TMEM176B: variants seen among roughly 807,000 people sequenced by gnomAD.
The protein encoded by TMEM176B is LR8-like protein.
TMEM176B carries 28 observed loss-of-function variants against 30.3 expected under a neutral mutation model. The ratio of observed to expected loss-of-function variants is 0.92; its 90% CI spans 0.68 to 1.27. The LOEUF (loss-of-function observed/expected upper bound fraction) is 1.27. Among genes scored for constraint, TMEM176B ranks in the 50% most tolerant of loss-of-function variants. The pLI is 0.00. For missense variants in TMEM176B, 349 were observed against 327.4 expected, an observed-to-expected ratio of 1.07 and a Z score of -0.51; for synonymous variants, 123 against 130.3, an observed-to-expected ratio of 0.94 and a Z score of 0.38.
At chr7:150,797,342 G>A (rs1798569375) in intron 1 of TMEM176B, among the ~76,000 whole-genome samples, 1 of 152,198 alleles carries the variant, frequency 6.6e-6, no homozygotes, top group Non-Finnish European at 1.5e-5. Flanking sequence ...CATAAAAAGT[G>A]TCAACCTAAA....
intron 2 of TMEM176B, 123 bp downstream of exon 2, chr7:150,796,243 C>T (rs1316805478): frequency 7.0e-6 from 6 of 860,280 alleles, no homozygotes; most frequent in African/African-American, 1.7e-5. Context: ...TGTGTGTATG[C>T]CCCAAATTGC....
chr7:150,799,789 C>T (rs1798690417), intron 1 of TMEM176B, among the ~76,000 whole-genome samples: 1 of 152,226 alleles, frequency 6.6e-6, no homozygotes, highest in African/African-American at 2.4e-5. Context: ...ACCACCGCTT[C>T]CCCCGCCCCA....
rs1258833563 is a variant in TMEM176B, at chr7:150,793,999, G to C, written c.277C>G (p.Leu93Val). 3.1e-6 allele frequency: 5 copies of C among 1,613,618 alleles called. No individual in the cohort carries two copies. In the African/African-American group the frequency reaches 6.7e-5, roughly 22 times the overall value. The change falls in exon 3 of 7, where the codon CTG (leucine) becomes GTG (valine). Residue 93 changes from leucine (L) to valine (V), a missense_variant. Coordinates refer to ENST00000326442, the MANE Select transcript of TMEM176B (RefSeq NM_001101312.2). The stretch of plus-strand genomic sequence containing the variant: ...CAGAAGGCACAGCCTGAGGCACTCA[G>C]CACAGTCCAGGGCCCCAAGCTGAGA... ...VCLSLGPWTVLSASGCAFWAG... is the reference protein window; with the variant it reads ...VCLSLGPWTVVSASGCAFWAG...
intron 2 of TMEM176B, 142 bp downstream of exon 2, chr7:150,796,224 C>A: frequency 1.4e-6 from 1 of 701,092 alleles, no homozygotes; most frequent in South Asian, 1.9e-5. Flanking sequence ...TACTGGAGAC[C>A]ACCTGGTCTG....
intron 1 of TMEM176B, among the ~76,000 whole-genome samples, chr7:150,797,303 T>C (rs1481720019): frequency 6.6e-6 from 1 of 152,210 alleles, no homozygotes; most frequent in Non-Finnish European, 1.5e-5. Flanking sequence ...CACACGATCA[T>C]ATGTTTTTAG....
At position 150,793,183 on chromosome 7, in the gene TMEM176B, G is replaced by C; in HGVS notation, c.505C>G (p.Pro169Ala). The C allele has an allele frequency of 6.2e-7, 1 of 1,614,184 alleles. No individual in the cohort carries two copies. The highest frequency in any genetic ancestry group is 8.5e-7 in the Non-Finnish European group (1 of 1,180,038). ...CTGTACCCAGTGGTAGGGAAGACAG[G>C]GTCTGAGCGATCACACACAGTGTCG... ...YIDTVCDRSD[P>A]VFPTTGYRWM... The change falls in exon 5 of 7, where the codon CCT becomes GCT. Residue 169 changes from proline to alanine, a missense_variant. Transcript: ENST00000326442.
At chr7:150,792,749 G>A (rs1368075326) in intron 5 of TMEM176B, among the ~76,000 whole-genome samples, 2 of 152,226 alleles carry the variant, frequency 1.3e-5, no homozygotes, top group African/African-American at 4.8e-5. Context: ...ACAGCACCGT[G>A]AGAAATAATA....
chr7:150,791,732 G>T (rs1798316566), intron 6 of TMEM176B, 109 bp from the exon 7 acceptor site: 2 of 1,058,268 alleles, frequency 1.9e-6, no homozygotes, highest in Non-Finnish European at 2.7e-6. Flanking sequence ...AGGAAAAGGT[G>T]ACAGGAAAAG....
chr7:150,791,780 G>T (rs1183066626), intron 6 of TMEM176B, among the ~76,000 whole-genome samples, 157 bp from the exon 7 acceptor site: 1 of 151,976 alleles, frequency 6.6e-6, no homozygotes, highest in Non-Finnish European at 1.5e-5. Context: ...GCAGAGGAAG[G>T]GGAGTCAGAC....
At chr7:150,793,661 C>G (rs931474544) in intron 3 of TMEM176B, 61 bp from the exon 4 acceptor site, 2 of 1,564,550 alleles carry the variant, frequency 1.3e-6, no homozygotes, top group Non-Finnish European at 1.7e-6. Flanking sequence ...CTATCATCAC[C>G]CTCCCACCAG....
Position 150,792,044 on chromosome 7 carries a change from C to T in TMEM176B, c.720+12G>A, listed in dbSNP as rs115596748. ...ACTCACGCTGCCCAGAGGCCCCTCC[C>T]CGACAACTCACCAGGGGCTGGGAGC... On this transcript the variant is annotated intron_variant, in intron 6 of 6. Coordinates refer to ENST00000326442, the MANE Select transcript of TMEM176B (RefSeq NM_001101312.2). The T allele has an allele frequency of 1.5e-4, 236 of 1,613,388 alleles. 2 individuals are homozygous for T. The African/African-American group carries it at 2.7e-3, about 18-fold the overall frequency.
chr7:150,797,965 T>G (rs1240935309), intron 1 of TMEM176B, among the ~76,000 whole-genome samples: 1 of 152,226 alleles, frequency 6.6e-6, no homozygotes, highest in Non-Finnish European at 1.5e-5. Flanking sequence ...GTGGTAGCAA[T>G]TCACATGCAG....
At chr7:150,791,935 G>A in intron 6 of TMEM176B, 121 bp downstream of exon 6, 2 of 1,423,984 alleles carry the variant, frequency 1.4e-6, no homozygotes, top group South Asian at 1.3e-5. Context: ...CATATGGAAA[G>A]AAGCTGAGGG....
At chr7:150,791,681 T>A in intron 6 of TMEM176B, 58 bp from the exon 7 acceptor site, 1 of 1,452,450 alleles carries the variant, frequency 6.9e-7, no homozygotes, top group South Asian at 1.2e-5. Context: ...AGAGTTAGTA[T>A]CATAGAACTC....
intron 1 of TMEM176B, among the ~76,000 whole-genome samples, chr7:150,797,402 G>A (rs1256131204): frequency 1.3e-5 from 2 of 152,206 alleles, no homozygotes; most frequent in Non-Finnish European, 2.9e-5. Flanking sequence ...CTGGAATAGG[G>A]CATTGCAATG....
At chr7:150,797,719 A>G (rs1384321252) in intron 1 of TMEM176B, among the ~76,000 whole-genome samples, 1 of 151,994 alleles carries the variant, frequency 6.6e-6, no homozygotes, top group Non-Finnish European at 1.5e-5. Flanking sequence ...TTTTTTTTTT[A>G]ACTCAAGTGA....
chr7:150,791,826 G>A (rs1372887745), intron 6 of TMEM176B, among the ~76,000 whole-genome samples: 1 of 151,906 alleles, frequency 6.6e-6, no homozygotes, highest in Non-Finnish European at 1.5e-5. Flanking sequence ...AGAGTGGGGA[G>A]ATCAGAGCAG....
intron 5 of TMEM176B, among the ~76,000 whole-genome samples, 157 bp downstream of exon 5, chr7:150,792,931 T>C (rs1005671879): frequency 6.6e-6 from 1 of 152,154 alleles, no homozygotes; most frequent in Non-Finnish European, 1.5e-5. Context: ...TCATGAGGTC[T>C]GAAAAATGTC....
At chr7:150,801,331 T>A (rs1108577), upstream of TMEM176B, 341,553 of 498,808 alleles carry the variant, frequency 0.68, 118,231 homozygotes, top group East Asian at 0.83. Context: ...CCGCAGGCTC[T>A]GTAGTCGCCG....
Sources: allele counts gnomAD v4.1 joint callset (sites outside exome capture counted in the v4.1 genomes callset), GRCh38; gene constraint gnomAD v4.1.1; transcripts MANE v1.5; gene names NCBI Gene and HGNC (gene_info 2026-07-23, HGNC 2026-07-21).